Variants in DMXL2 observed in about 807,000 individuals in gnomAD.
The protein encoded by DMXL2 is dmX-like protein 2.
Under a neutral mutation model 331.1 loss-of-function variants are expected in DMXL2, and 103 were observed. The observed-to-expected ratio is 0.31, with a 90% CI of 0.27 to 0.37. The LOEUF is 0.37. Among genes scored for constraint, DMXL2 ranks in the 10% least tolerant of loss-of-function variants. The probability of loss-of-function intolerance (pLI) is 1.00; values close to 1 mark genes in which losing one functional copy is unlikely to be tolerated. For missense variants in DMXL2, 3,171 were observed against 3,642.9 expected, an observed-to-expected ratio of 0.87 and a Z score of 3.33; for synonymous variants, 1,281 against 1,252.1, an observed-to-expected ratio of 1.02 and a Z score of -0.49.
In DMXL2 at chr15:51,514,487, CT is replaced by C; in HGVS notation, c.2598del (p.Asp867IlefsTer28). On this transcript the variant is annotated frameshift_variant, in exon 15 of 44. Transcript: ENST00000560891. LOFTEE classifies it high-confidence loss of function. Reference protein sequence around the residue: ...DFIIGYKPHKEDMEKKETEIF... With the variant: ...DFIIGYKPHKXDMEKKETEIF... ...ATTTCTGTTTCCTTTTTCTCCATAT[CT>C]TCCTTATGTGGTTTATATCCTATAA... 6.3e-7 allele frequency: 1 copy of C among 1,592,092 alleles called. No individual in the cohort carries two copies.
At chr15:51,596,490 G>A (rs972380262) in intron 1 of DMXL2, among the ~76,000 whole-genome samples, 13 of 152,166 alleles carry the variant, frequency 8.5e-5, no homozygotes, top group African/African-American at 1.2e-4. Flanking sequence ...AAACTAGTTC[G>A]ACCATTGTGG....
Position 51,568,528 on chromosome 15 carries a change from T to C in DMXL2, c.244A>G (p.Ile82Val), listed in dbSNP as rs762980686. 8 of 1,581,744 alleles carry C rather than the reference T, an allele frequency of 5.1e-6. No individual in the cohort carries two copies. The highest frequency in any genetic ancestry group is 1.2e-5 in the South Asian group (1 of 84,732). Reference protein sequence around the residue: ...IAASYGNAVCIFEPLGINSHK... With the variant: ...IAASYGNAVCVFEPLGINSHK... ...GAATTTATGCCCAAGGGCTCAAATATACAAACAGCATTACCATATGAAGCT... is the reference window on the plus strand; with the variant it reads ...GAATTTATGCCCAAGGGCTCAAATACACAAACAGCATTACCATATGAAGCT... Residue 82 changes from isoleucine to valine, a missense_variant, in exon 3 of 44, where the codon ATA becomes GTA. Physicochemically the swap from Ile to Val is conservative, Grantham distance 29. Around this residue, in one of 7 missense-constraint regions of DMXL2, gnomAD observed 1,674 missense variants for 1,780.2 expected, o/e 0.94. Coordinates refer to ENST00000560891, the MANE Select transcript of DMXL2 (RefSeq NM_001378457.1).
chr15:51,619,388 G>A (rs2054488327), intron 1 of DMXL2, among the ~76,000 whole-genome samples: 1 of 152,192 alleles, frequency 6.6e-6, no homozygotes, highest in South Asian at 2.1e-4. Context: ...ACAATCGAAT[G>A]TTTAAGGAAA....
At chr15:51,472,542 T>C (rs968259946) in intron 28 of DMXL2, among the ~76,000 whole-genome samples, 9 of 152,144 alleles carry the variant, frequency 5.9e-5, no homozygotes, top group Admixed American at 4.6e-4. Flanking sequence ...TCCCTCCCCC[T>C]AGCCCATGGC....
At chr15:51,492,276 G>A (rs2042859908) in intron 19 of DMXL2, among the ~76,000 whole-genome samples, 1 of 152,214 alleles carries the variant, frequency 6.6e-6, no homozygotes. Context: ...CACAGTCCTG[G>A]ATGTCGATTC....
intron 34 of DMXL2, 64 bp from the exon 35 acceptor site, chr15:51,458,859 C>T (rs2039880036): frequency 6.8e-6 from 9 of 1,320,454 alleles, no homozygotes; most frequent in Middle Eastern, 1.9e-4. Flanking sequence ...TTATGCACAT[C>T]CCATAAGATT....
chr15:51,480,575 C>A lies in DMXL2; in HGVS notation c.6531G>T (p.Met2177Ile). 1 of 1,539,752 alleles carries A rather than the reference C, an allele frequency of 6.5e-7. No individual in the cohort carries two copies. Among genetic ancestry groups the A allele is most frequent in the South Asian group, 1.2e-5 (1 of 81,406 alleles). The change falls in exon 24 of 44, where the codon ATG becomes ATT. Residue 2177 changes from methionine to isoleucine, a missense_variant. Transcript: ENST00000560891. The part of the protein sequence containing the change: ...AQGGGLASVR[M>I]ELKFLLQESQ... ...ATTCTTGTAGCAAAAATTTGAGTTC[C>A]ATCCTTACTGAAGCCAAACCACCAC...
At chr15:51,579,708 G>A (rs1332243544) in intron 1 of DMXL2, among the ~76,000 whole-genome samples, 2 of 152,088 alleles carry the variant, frequency 1.3e-5, no homozygotes, top group Non-Finnish European at 2.9e-5. Context: ...CTAATAATTT[G>A]GCCAACCTAT....
intron 1 of DMXL2, among the ~76,000 whole-genome samples, chr15:51,615,788 C>G (rs532664287): frequency 9.1e-4 from 139 of 152,274 alleles, no homozygotes; most frequent in Non-Finnish European, 1.3e-3. Context: ...GAAGAAGTTG[C>G]TAGCACAAAA....
At chr15:51,471,547 C>G (rs1320480408) in intron 28 of DMXL2, 146 bp from the exon 29 acceptor site, 1 of 680,848 alleles carries the variant, frequency 1.5e-6, no homozygotes, top group Admixed American at 3.0e-5. Flanking sequence ...TTTCTAGTTA[C>G]TGAATCAGCT....
intron 6 of DMXL2, among the ~76,000 whole-genome samples, chr15:51,548,082 C>CA (rs2048988614): frequency 6.6e-6 from 1 of 152,088 alleles, no homozygotes; most frequent in South Asian, 2.1e-4. Flanking sequence ...AAAATATTTA[C>CA]AAGTATAACA....
intron 17 of DMXL2, among the ~76,000 whole-genome samples, chr15:51,501,043 G>A (rs555902611): frequency 6.6e-6 from 1 of 152,268 alleles, no homozygotes; most frequent in African/African-American, 2.4e-5. Flanking sequence ...TAAGGCGTCT[G>A]TAAAATATAA....
rs763599192 is a variant in DMXL2, at chr15:51,479,998, T to C, written c.6706A>G (p.Thr2236Ala). ...GGTGGTGTTTTCATCTGAACAATAG[T>C]ATAAAGTATATCATGGATGTGATTA... ...LNNHIHDILY[T>A]IVQMKTPPHP... The change falls in exon 25 of 44, where the codon ACT (threonine) becomes GCT (alanine). Residue 2236 changes from threonine (T) to alanine (A), a missense_variant. Thr to Ala is a moderately conservative substitution (Grantham distance 58, BLOSUM62 0). Transcript: ENST00000560891. 1 of 1,574,858 alleles carries C rather than the reference T, an allele frequency of 6.3e-7. No homozygotes were observed. Among genetic ancestry groups the C allele is most frequent in the Admixed American group, 1.7e-5 (1 of 58,902 alleles).
At chr15:51,509,303 G>C (rs578144518) in intron 15 of DMXL2, among the ~76,000 whole-genome samples, 1 of 151,268 alleles carries the variant, frequency 6.6e-6, no homozygotes, top group East Asian at 1.9e-4. Context: ...AAAATAGATA[G>C]ACTACTTGCC....
intron 29 of DMXL2, among the ~76,000 whole-genome samples, chr15:51,467,572 A>G (rs1290998682): frequency 6.6e-6 from 1 of 152,232 alleles, no homozygotes; most frequent in Admixed American, 6.5e-5. Flanking sequence ...TATCAAATTA[A>G]CAAAAATGAA....
chr15:51,462,643 G>A (rs1190671269), intron 33 of DMXL2, among the ~76,000 whole-genome samples: 2 of 151,994 alleles, frequency 1.3e-5, no homozygotes, highest in East Asian at 3.9e-4. Flanking sequence ...GGCCATGTTT[G>A]CCAAATCTTT....
At chr15:51,606,917 C>T (rs993218974) in intron 1 of DMXL2, among the ~76,000 whole-genome samples, 3 of 148,750 alleles carry the variant, frequency 2.0e-5, no homozygotes, top group Admixed American at 6.7e-5. Context: ...CCAGCACTTT[C>T]GGAGGCCAAG....
chr15:51,545,599 A>T lies in DMXL2; in HGVS notation c.914T>A (p.Ile305Lys). The T allele has an allele frequency of 6.2e-7, 1 of 1,613,494 alleles. No homozygotes were observed. Among genetic ancestry groups the T allele is most frequent in the Non-Finnish European group, 8.5e-7 (1 of 1,179,574 alleles). The change falls in exon 8 of 44, where the codon ATA becomes AAA. Residue 305 changes from isoleucine to lysine, a missense_variant. This residue lies in a region of DMXL2 where 1,674 missense variants were observed against 1,780.2 expected (regional missense o/e 0.94). Transcript: ENST00000560891. ...ATATAATACCTCAAGAGCATGCTGT[A>T]TTCTGTCTTTGTGTCTTCCAGCATG... The part of the protein sequence containing the change: ...LSHAGRHKDR[I>K]QHALETIHHL...
intron 9 of DMXL2, among the ~76,000 whole-genome samples, chr15:51,539,992 G>A (rs145900588): frequency 2.2e-3 from 342 of 152,256 alleles, no homozygotes; most frequent in Middle Eastern, 0.017. Context: ...TCCAGTTCCT[G>A]GATGACTATT....
Sources: allele counts gnomAD v4.1 joint callset (sites outside exome capture counted in the v4.1 genomes callset), GRCh38; gene constraint gnomAD v4.1.1; regional missense constraint gnomAD v4.1.1; transcripts MANE v1.5; gene names NCBI Gene and HGNC (gene_info 2026-07-23, HGNC 2026-07-21).